The following AEN variants were observed in gnomAD, a reference collection of about 807,000 sequenced individuals.
AEN encodes the protein apoptosis-enhancing nuclease.
Under a neutral mutation model 17.7 loss-of-function variants are expected in AEN, and 21 were observed. That is an observed-to-expected ratio of 1.19 (90% CI 0.84 to 1.71). AEN has a LOEUF of 1.71. AEN is among the 40% of genes most tolerant of loss of function. The pLI, the probability that AEN is intolerant of heterozygous loss-of-function variation, is 0.00. For missense variants in AEN, 462 were observed against 435.9 expected (o/e 1.06, Z -0.53); for synonymous variants, 190 against 173.0 (o/e 1.10, Z -0.77).
At chr15:88,626,829 T>C (rs775080993) in intron 2 of AEN, 80 bp downstream of exon 2, 1 of 1,483,052 alleles carries the variant, frequency 6.7e-7, no homozygotes, top group Non-Finnish European at 9.1e-7. Flanking sequence ...ACCACTTTGC[T>C]TCACTGGGGG....
At chr15:88,620,593 G>GA (rs2057774847), upstream of AEN, among the ~76,000 whole-genome samples, 2 of 19,340 alleles carry the variant, frequency 1.0e-4, no homozygotes, top group Non-Finnish European at 2.3e-4. Flanking sequence ...TTGTATTTTT[G>GA]GAGAGATGGG....
At chr15:88,627,045 G>A (rs112004274) in intron 2 of AEN, 19,505 of 361,192 alleles carry the variant, frequency 0.054, 672 homozygotes, top group Non-Finnish European at 0.065. Flanking sequence ...AAAGTTGTAC[G>A]CATTGATATA....
At chr15:88,605,491 GA>G in the AEN span, among the ~76,000 whole-genome samples, 2 of 152,356 alleles carry the variant, frequency 1.3e-5, no homozygotes, top group Admixed American at 1.3e-4. This position sits in a 1 kb window ranked among gnomAD's most constrained non-coding sequence, Gnocchi z 7.6. Flanking sequence ...AGCACCCAGA[GA>G]GCCCAGAGCC....
In AEN at chr15:88,626,129, G is replaced by A. The variant is rs1358057459; in HGVS notation, c.-64-17G>A. ...ACACTCTCACCCAGCCCCTCTGCCT[G>A]TGTGTTCTCTCTTCAGGCTGCTGCC... On this transcript the variant is annotated splice_polypyrimidine_tract_variant and intron_variant, in intron 1 of 3. Transcript: ENST00000332810. 8 of 1,456,662 alleles carry A rather than the reference G, an allele frequency of 5.5e-6. No homozygotes were observed. In the South Asian group the frequency reaches 1.1e-4, roughly 21 times the overall value. The allele number at this position is 1,456,662 out of a possible 1,614,324, so 90.2% of individuals were successfully genotyped here. A position where few individuals can be genotyped will look rare whatever the true frequency, so the allele number is the denominator to read the frequency against.
rs150266648 is a variant in AEN at position 88,629,276 on chromosome 15, C to T, written c.591C>T (p.Asn197=). 104 of 1,614,142 alleles carry T rather than the reference C, an allele frequency of 6.4e-5. No individual in the cohort carries two copies. Among genetic ancestry groups the T allele is most frequent in the Middle Eastern group, 1.6e-4 (1 of 6,062 alleles). ...GKVVVGHALH[N]DFQALKYVHP... ...TGGTGGTGGGGCACGCGCTGCACAA[C>T]GACTTCCAGGCGCTCAAGTATGTCC... is the stretch of plus-strand genomic sequence containing the variant. Residue 197 remains asparagine (N), a synonymous_variant, in exon 3 of 4, where the codon AAC becomes AAT. Transcript: ENST00000332810.
the AEN span, among the ~76,000 whole-genome samples, chr15:88,610,628 C>G: frequency 1.3e-5 from 2 of 152,286 alleles, no homozygotes; most frequent in East Asian, 1.9e-4. Flanking sequence ...CCCCACTCCT[C>G]CTGCTCCTGA....
chr15:88,608,208 G>C, the AEN span: 124 of 520,698 alleles, frequency 2.4e-4, no homozygotes, highest in Admixed American at 4.1e-4. Flanking sequence ...GAGTGAGCAG[G>C]GTACACAGAA....
At chr15:88,621,967 T>G (rs931782169) in intron 1 of AEN, among the ~76,000 whole-genome samples, 1 of 152,148 alleles carries the variant, frequency 6.6e-6, no homozygotes, top group Non-Finnish European at 1.5e-5. Context: ...GGTAATTAAC[T>G]ACATTTGGGA....
upstream of AEN, among the ~76,000 whole-genome samples, chr15:88,620,008 A>G (rs1181001077): frequency 6.6e-6 from 1 of 152,142 alleles, no homozygotes; most frequent in African/African-American, 2.4e-5. Flanking sequence ...TAAACTATCT[A>G]TGGCTTAAAT....
chr15:88,621,556 C>T (rs2057788493), intron 1 of AEN, 174 bp downstream of exon 1: 2 of 152,258 alleles, frequency 1.3e-5, no homozygotes. Context: ...CGCCTGTCTC[C>T]AGCCCTCGCT....
At position 88,626,392 on chromosome 15, in the gene AEN, C is replaced by T. The variant is rs758333869; in HGVS notation, c.183C>T (p.Ser61=). 1 of 1,612,550 alleles carries T rather than the reference C, an allele frequency of 6.2e-7. No individual in the cohort carries two copies. Among genetic ancestry groups the T allele is most frequent in the Non-Finnish European group, 8.5e-7 (1 of 1,179,456 alleles). ...GLLSMPPEPG[S]SPLPTPFGAA... is the part of the protein sequence containing the mutation. ...TGAGCATGCCTCCAGAACCAGGGTC[C>T]TCCCCACTGCCCACCCCTTTCGGGG... The change falls in exon 2 of 4, where the codon TCC becomes TCT. Residue 61 remains serine (S), a synonymous_variant. Transcript: ENST00000332810.
At position 88,629,405 on chromosome 15, in the gene AEN, G is replaced by A. The variant is rs752524616; in HGVS notation, c.720G>A (p.Gln240=). 1.2e-6 allele frequency: 2 copies of A among 1,613,988 alleles called. No homozygotes were observed. The highest frequency in any genetic ancestry group is 3.3e-5 in the Admixed American group (2 of 60,016). The change falls in exon 3 of 4, where the codon CAG becomes CAA. Residue 240 remains glutamine (Q), a synonymous_variant. Transcript: ENST00000332810. ...TCTCTCTAAAGGACCTGGCCCTGCA[G>A]CTGCTGCACAAGAAGATCCAGGTGC... ...ARVSLKDLAL[Q]LLHKKIQVGQ...
chr15:88,622,891 C>T (rs1456554219), intron 1 of AEN, among the ~76,000 whole-genome samples: 1 of 152,182 alleles, frequency 6.6e-6, no homozygotes, highest in East Asian at 1.9e-4. Flanking sequence ...TCTCTCTTCT[C>T]TTAAGCAAGG....
At chr15:88,616,362 G>C (rs545556298), upstream of AEN, among the ~76,000 whole-genome samples, 1 of 152,208 alleles carries the variant, frequency 6.6e-6, no homozygotes, top group Non-Finnish European at 1.5e-5. Context: ...AAAGTGTTGG[G>C]ATTACAGGCG....
the AEN span, among the ~76,000 whole-genome samples, chr15:88,610,710 G>C: frequency 6.6e-6 from 1 of 152,100 alleles, no homozygotes; most frequent in East Asian, 1.9e-4. Context: ...TGGAAGGGTG[G>C]GCTAAAGAGG....
Position 88,630,277 on chromosome 15 carries a change from C to A in AEN, c.961C>A (p.Gln321Lys). 2 of 1,584,834 alleles carry A rather than the reference C, an allele frequency of 1.3e-6. No homozygotes were observed. Among genetic ancestry groups the A allele is most frequent in the Non-Finnish European group, 8.6e-7 (1 of 1,165,910 alleles). The change falls in exon 4 of 4, where the codon CAG becomes AAG. Residue 321 changes from glutamine to lysine, a missense_variant. Transcript: ENST00000332810. This position sits in a 1 kb window ranked among gnomAD's most constrained non-coding sequence, Gnocchi z 5.1. ...CAGCAGAGGAGGAGCCAGGGAGGCA[C>A]AGGACAGAAGGAATTGAGAAGGGGG... ...HGSRGGAREAQDRRN is the reference protein window; with the variant it reads ...HGSRGGAREAKDRRN
rs1389040657 is a variant in AEN at position 88,631,432 on chromosome 15, C to T, written c.*1138C>T. 4 of 244,910 alleles carry T rather than the reference C, an allele frequency of 1.6e-5. No individual in the cohort carries two copies. Among genetic ancestry groups the T allele is most frequent in the Non-Finnish European group, 2.6e-5 (3 of 116,550 alleles). The allele number at this position is 244,910 out of a possible 1,614,324, so 15.2% of individuals were successfully genotyped here. ...TTTTGAAGTATTGGATAACCAAGAG[C>T]TCAGGTCACACAGACCTTGGAGCCC... On this transcript the variant is annotated 3_prime_UTR_variant, in exon 4 of 4. Coordinates refer to ENST00000332810, the MANE Select transcript of AEN (RefSeq NM_022767.4).
chr15:88,626,544 C>T lies in AEN; in HGVS notation c.335C>T (p.Ala112Val). The change falls in exon 2 of 4, where the codon GCT becomes GTT. Residue 112 changes from alanine (A) to valine (V), a missense_variant. Transcript: ENST00000332810. ...ASGPLPSKCV[A>V]IDCEMVGTGP... The stretch of plus-strand genomic sequence containing the variant: ...GGGCCCTTGCCCAGCAAGTGTGTGG[C>T]TATCGACTGTGAGATGGTGGGCACG... The T allele has an allele frequency of 6.2e-7, 1 of 1,614,172 alleles. No individual in the cohort carries two copies. The highest frequency in any genetic ancestry group is 1.1e-5 in the South Asian group (1 of 91,086).
chr15:88,613,795 T>A, the AEN span, among the ~76,000 whole-genome samples: 2 of 152,214 alleles, frequency 1.3e-5, no homozygotes, highest in African/African-American at 4.8e-5. Flanking sequence ...CACATCTACC[T>A]TGCTAGGTTA....
Sources: gnomAD v4.1 joint callset for allele counts (sites outside exome capture counted in the v4.1 genomes callset) on GRCh38, gnomAD v4.1.1 for gene constraint, Gnocchi (gnomAD v3.1) non-coding constraint, MANE v1.5 for transcripts, NCBI Gene and HGNC (gene_info 2026-07-23, HGNC 2026-07-21) for gene names.